Variants in SNX24 observed in about 807,000 individuals in gnomAD.
SNX24 encodes sorting nexin 24.
A neutral mutation model predicts 28.7 loss-of-function variants in SNX24; 22 were observed. The observed-to-expected ratio is 0.77, with a 90% CI of 0.55 to 1.10. The LOEUF (loss-of-function observed/expected upper bound fraction) is 1.10. Among genes scored for constraint, SNX24 ranks in the 50% least tolerant of loss-of-function variants. The probability of loss-of-function intolerance (pLI) is 0.00; values close to 1 mark genes in which losing one functional copy is unlikely to be tolerated. For synonymous variants in SNX24, 69 were observed against 71.5 expected, an observed-to-expected ratio of 0.96 and a Z score of 0.18; for missense variants, 221 against 201.1, an observed-to-expected ratio of 1.10 and a Z score of -0.60.
At chr5:122,976,991 A>G (rs1339870131) in intron 3 of SNX24, among the ~76,000 whole-genome samples, 1 of 150,292 alleles carries the variant, frequency 6.7e-6, no homozygotes, top group African/African-American at 2.5e-5. Context: ...TTTTTTTCTT[A>G]TCCACATTAC....
intron 3 of SNX24, among the ~76,000 whole-genome samples, chr5:122,964,062 G>A (rs771583211): frequency 4.0e-5 from 6 of 151,690 alleles, no homozygotes; most frequent in South Asian, 2.1e-4. Context: ...CCAACGTGGC[G>A]AAACCCCGTC....
intron 3 of SNX24, among the ~76,000 whole-genome samples, chr5:122,983,318 A>C (rs2150158099): frequency 6.6e-6 from 1 of 151,798 alleles, no homozygotes; most frequent in East Asian, 1.9e-4. Flanking sequence ...TTACTTTTGC[A>C]TAACTAAAAG....
Position 123,009,080 on chromosome 5 carries a change from G to A in SNX24, c.*1331G>A. 1 of 985,512 alleles carries A rather than the reference G, an allele frequency of 1.0e-6. No homozygotes were observed. The highest frequency in any genetic ancestry group is 1.2e-6 in the Non-Finnish European group (1 of 829,666). 61.0% of individuals were successfully genotyped at this position (985,512 alleles called of 1,614,324 possible). ...TATGATAGATTCTGTACTACATGTGGGAAACAAGCAAGAACTAAATAATCA... is the reference window on the plus strand; with the variant it reads ...TATGATAGATTCTGTACTACATGTGAGAAACAAGCAAGAACTAAATAATCA... On this transcript the variant is annotated 3_prime_UTR_variant, in exon 7 of 7. Transcript: ENST00000261369.
chr5:122,863,401 T>C (rs1218835429), intron 1 of SNX24, among the ~76,000 whole-genome samples: 4 of 151,002 alleles, frequency 2.6e-5, no homozygotes, highest in Admixed American at 6.6e-5. Context: ...AGTAGGAAAA[T>C]AGAGAGTGAT....
intron 3 of SNX24, among the ~76,000 whole-genome samples, chr5:122,964,247 CAAAA>C (rs34174497): frequency 3.3e-4 from 12 of 36,586 alleles, no homozygotes; most frequent in African/African-American, 4.4e-4. Flanking sequence ...GACTCCATCT[CAAAA>C]AAAAAAAAAA....
chr5:122,876,743 G>A (rs1756240383), intron 1 of SNX24, among the ~76,000 whole-genome samples: 1 of 152,202 alleles, frequency 6.6e-6, no homozygotes, highest in South Asian at 2.1e-4. Context: ...TTTTGAAAAT[G>A]AGATCAATGA....
intron 1 of SNX24, among the ~76,000 whole-genome samples, chr5:122,851,312 G>A (rs924749515): frequency 3.9e-5 from 6 of 151,920 alleles, no homozygotes; most frequent in African/African-American, 1.2e-4. Flanking sequence ...CTATAGGCAC[G>A]AGCCACCATG....
At chr5:122,921,606 A>G (rs1758432587) in intron 1 of SNX24, among the ~76,000 whole-genome samples, 2 of 140,366 alleles carry the variant, frequency 1.4e-5, no homozygotes, top group South Asian at 2.4e-4. Flanking sequence ...AAAGTCTAAT[A>G]CATGAAACCT....
chr5:122,931,940 CTTAAGT>C (rs1225999024), intron 1 of SNX24, among the ~76,000 whole-genome samples: 5 of 151,648 alleles, frequency 3.3e-5, no homozygotes, highest in African/African-American at 1.2e-4. Flanking sequence ...CCTTCCTTAG[CTTAAGT>C]TTATTTTATT....
chr5:122,889,295 GT>G (rs1244646981), intron 1 of SNX24, among the ~76,000 whole-genome samples: 1 of 152,038 alleles, frequency 6.6e-6, no homozygotes, highest in South Asian at 2.1e-4. Flanking sequence ...GCCCTTCTCT[GT>G]TTTTTATAGG....
At chr5:122,976,667 A>G (rs1761178943) in intron 3 of SNX24, among the ~76,000 whole-genome samples, 1 of 152,210 alleles carries the variant, frequency 6.6e-6, no homozygotes, top group Non-Finnish European at 1.5e-5. Context: ...TGGGAGGGAC[A>G]AGTGTCAAGG....
chr5:123,024,950 A>C (rs1009213756), intron 5 of SNX24, among the ~76,000 whole-genome samples: 24 of 152,108 alleles, frequency 1.6e-4, no homozygotes, highest in African/African-American at 5.6e-4. Context: ...AAAGGGAATG[A>C]GGGTTTTAAG....
At chr5:122,863,465 TG>T (rs1457746350) in intron 1 of SNX24, among the ~76,000 whole-genome samples, 1 of 150,722 alleles carries the variant, frequency 6.6e-6, no homozygotes, top group Admixed American at 6.6e-5. Flanking sequence ...GATGGAATGG[TG>T]GGGTGGGAGG....
chr5:122,855,435 G>A (rs446116), intron 1 of SNX24, among the ~76,000 whole-genome samples: 93,962 of 151,624 alleles, frequency 0.62, 30,001 homozygotes, highest in African/African-American at 0.77. Flanking sequence ...ACATTTCTCT[G>A]TAGCATGTGA....
At chr5:123,000,267 A>G (rs1762202145) in intron 4 of SNX24, among the ~76,000 whole-genome samples, 1 of 152,238 alleles carries the variant, frequency 6.6e-6, no homozygotes, top group Non-Finnish European at 1.5e-5. Flanking sequence ...ACACTGTTAC[A>G]TAGAATGATG....
intron 1 of SNX24, among the ~76,000 whole-genome samples, chr5:122,862,773 C>G (rs886292478): frequency 1.3e-5 from 2 of 151,432 alleles, no homozygotes; most frequent in Admixed American, 6.6e-5. Context: ...GACAGGTTCT[C>G]TAACACACTA....
At position 122,966,111 on chromosome 5, in the gene SNX24, A is replaced by G. The variant is rs146205022; in HGVS notation, c.249+19952A>G. ...TTTTTCCAAAATCTACAGTTATATA[A>G]GAAGGACATTTGCCATATTCTGAAT... On this transcript the variant is annotated intron_variant, in intron 3 of 6. Coordinates refer to ENST00000261369, the MANE Select transcript of SNX24 (RefSeq NM_014035.4). 2.3e-3 allele frequency among the ~76,000 whole-genome samples: 347 copies of G among 152,372 alleles called. 3 individuals are homozygous for G. The Middle Eastern group carries it at 0.034, about 15-fold the overall frequency.
chr5:122,979,121 T>C (rs1761288831), intron 3 of SNX24, among the ~76,000 whole-genome samples: 1 of 152,290 alleles, frequency 6.6e-6, no homozygotes, highest in African/African-American at 2.4e-5. Context: ...ACCCCCACCA[T>C]TTGCCCTCAT....
At chr5:122,954,622 T>C (rs1053713499) in intron 3 of SNX24, among the ~76,000 whole-genome samples, 14 of 152,264 alleles carry the variant, frequency 9.2e-5, no homozygotes, top group African/African-American at 3.4e-4. Context: ...TACAATATTT[T>C]AACTCTGTTT....
Sources: gnomAD v4.1 joint callset for allele counts (sites outside exome capture counted in the v4.1 genomes callset) on GRCh38, gnomAD v4.1.1 for gene constraint, MANE v1.5 for transcripts, NCBI Gene and HGNC (gene_info 2026-07-23, HGNC 2026-07-21) for gene names.